The following ZBTB20 variants were observed in gnomAD, a reference collection of about 807,000 sequenced individuals.
ZBTB20 encodes zinc finger and BTB domain containing 20.
Under a neutral mutation model 56.9 loss-of-function variants are expected in ZBTB20, and 9 were observed. The ratio of observed to expected loss-of-function variants is 0.16; its 90% CI spans 0.10 to 0.28. The LOEUF is 0.28. Among genes scored for constraint, ZBTB20 ranks in the 10% least tolerant of loss-of-function variants. The pLI, the probability that ZBTB20 is intolerant of heterozygous loss-of-function variation, is 1.00. For missense variants in ZBTB20, 655 were observed against 1,003.0 expected, an observed-to-expected ratio of 0.65 and a Z score of 4.69; for synonymous variants, 417 against 420.7, an observed-to-expected ratio of 0.99 and a Z score of 0.11.
intron 1 of ZBTB20, among the ~76,000 whole-genome samples, chr3:115,072,857 A>G (rs947604984): frequency 1.3e-5 from 2 of 152,198 alleles, no homozygotes; most frequent in East Asian, 1.9e-4. Flanking sequence ...AATGACTCAT[A>G]TGAACTCTGC....
intron 4 of ZBTB20, among the ~76,000 whole-genome samples, chr3:114,852,203 C>G (rs2075034870): frequency 6.6e-6 from 1 of 151,812 alleles, no homozygotes. Flanking sequence ...CCTTATTTGT[C>G]TTATCACTTA....
At chr3:114,364,979 G>C (rs906706514) in intron 10 of ZBTB20, among the ~76,000 whole-genome samples, 7 of 152,238 alleles carry the variant, frequency 4.6e-5, no homozygotes, top group African/African-American at 1.7e-4. Context: ...TGATGTGCCG[G>C]CGCCTGGTGT....
At chr3:114,437,533 C>A (rs1312626235) in intron 7 of ZBTB20, among the ~76,000 whole-genome samples, 1 of 151,994 alleles carries the variant, frequency 6.6e-6, no homozygotes, top group Non-Finnish European at 1.5e-5. Flanking sequence ...CCTCAGCTTC[C>A]AAGTGAGTTA....
At position 114,815,776 on chromosome 3, in the gene ZBTB20, C is replaced by T. The variant is rs529943447; in HGVS notation, c.-416-14602G>A. 3.3e-5 allele frequency among the ~76,000 whole-genome samples: 5 copies of T among 152,128 alleles called. No homozygotes were observed. The East Asian group carries it at 9.7e-4, about 29-fold the overall frequency. On this transcript the variant is annotated intron_variant, in intron 4 of 11. Transcript: ENST00000675478. ...GACCGGCTACTACATAAATATTAAA[C>T]CATTTCTCCGAAATAATATGGAGGT...
At chr3:114,715,147 C>G (rs1399622256) in intron 5 of ZBTB20, among the ~76,000 whole-genome samples, 1 of 152,210 alleles carries the variant, frequency 6.6e-6, no homozygotes, top group Non-Finnish European at 1.5e-5. Flanking sequence ...TTCTGCTACA[C>G]ATTAACTAAT....
intron 2 of ZBTB20, among the ~76,000 whole-genome samples, chr3:115,068,639 T>G (rs549090415): frequency 2.0e-5 from 3 of 152,084 alleles, no homozygotes; most frequent in Non-Finnish European, 4.4e-5. Context: ...CAGGTAAAGA[T>G]AGACTATAAT....
chr3:114,846,056 G>A (rs2074686053), intron 4 of ZBTB20, among the ~76,000 whole-genome samples: 1 of 152,158 alleles, frequency 6.6e-6, no homozygotes, highest in African/African-American at 2.4e-5. Context: ...ATATAGATAG[G>A]TGGTTAGATA....
chr3:115,088,559 C>T (rs1341526557), intron 1 of ZBTB20, among the ~76,000 whole-genome samples: 1 of 151,656 alleles, frequency 6.6e-6, no homozygotes. Context: ...TTGTGACTGC[C>T]CTTACTGCAT....
At chr3:114,663,568 T>G (rs987904101) in intron 6 of ZBTB20, among the ~76,000 whole-genome samples, 24 of 151,150 alleles carry the variant, frequency 1.6e-4, no homozygotes, top group African/African-American at 4.6e-4. Flanking sequence ...TGGACTAAAT[T>G]CTCCAATTAA....
chr3:114,601,610 C>A (rs1037428180), intron 6 of ZBTB20, among the ~76,000 whole-genome samples: 1 of 151,732 alleles, frequency 6.6e-6, no homozygotes, highest in Admixed American at 6.6e-5. Context: ...AATATATAGA[C>A]AGATAATAGA....
intron 2 of ZBTB20, among the ~76,000 whole-genome samples, chr3:115,046,863 T>C (rs1202890400): frequency 1.3e-5 from 2 of 151,968 alleles, no homozygotes; most frequent in African/African-American, 4.8e-5. Flanking sequence ...TATTATAGAG[T>C]ATGGGTTTTT....
At chr3:114,839,915 A>T (rs1455605179) in intron 4 of ZBTB20, among the ~76,000 whole-genome samples, 1 of 152,192 alleles carries the variant, frequency 6.6e-6, no homozygotes, top group Non-Finnish European at 1.5e-5. Context: ...CCCTGCCAAC[A>T]CCTTGATTTC....
At chr3:114,538,138 TA>T (rs906524658) in intron 6 of ZBTB20, among the ~76,000 whole-genome samples, 26 of 151,614 alleles carry the variant, frequency 1.7e-4, no homozygotes, top group Non-Finnish European at 2.7e-4. Context: ...ATAATAATAA[TA>T]AAAAAAAGAT....
At position 114,929,756 on chromosome 3, in the gene ZBTB20, T is replaced by C. The variant is rs76643274; in HGVS notation, c.-455-29414A>G. Among the ~76,000 whole-genome samples, 211 of 152,352 alleles carry C rather than the reference T, an allele frequency of 1.4e-3. 1 individual carries two copies. Among genetic ancestry groups the C allele is most frequent in the African/African-American group, 4.9e-3 (205 of 41,580 alleles). ...TGAAATGTTTGGAATTGGGTGTCAC[T>C]GGTCTTCATTTTGTTTTGAAAAGGC... On this transcript the variant is annotated intron_variant, in intron 3 of 11. Transcript: ENST00000675478.
chr3:114,863,385 T>C (rs574762575), intron 4 of ZBTB20, among the ~76,000 whole-genome samples: 1 of 152,238 alleles, frequency 6.6e-6, no homozygotes, highest in Admixed American at 6.5e-5. Flanking sequence ...TTCTTCAAAT[T>C]GGAACCTAGT....
intron 2 of ZBTB20, among the ~76,000 whole-genome samples, chr3:114,980,398 T>C (rs2078278763): frequency 6.6e-6 from 1 of 150,630 alleles, no homozygotes; most frequent in South Asian, 2.1e-4. Flanking sequence ...TAAGGGTCCA[T>C]AAAACAATTA....
rs917644233 is a variant in ZBTB20 at position 114,335,261 on chromosome 3, T to C, written c.*3744A>G. 6.6e-6 allele frequency: 1 copy of C among 152,234 alleles called. No homozygotes were observed. The highest frequency in any genetic ancestry group is 1.5e-5 in the Non-Finnish European group (1 of 68,042). 9.4% of individuals were successfully genotyped at this position (152,234 alleles called of 1,614,324 possible). A position where few individuals can be genotyped will look rare whatever the true frequency, so the allele number is the denominator to read the frequency against. On this transcript the variant is annotated 3_prime_UTR_variant, in exon 12 of 12. Transcript: ENST00000675478. Reference sequence around the variant, plus strand: ...GTCTTAAATCTGGAACATTTGCTTTTATCTTATCTATCTGTTTCCTGGCTA... The same window carrying C: ...GTCTTAAATCTGGAACATTTGCTTTCATCTTATCTATCTGTTTCCTGGCTA...
At chr3:114,984,840 C>T (rs1300462796) in intron 2 of ZBTB20, among the ~76,000 whole-genome samples, 4 of 151,988 alleles carry the variant, frequency 2.6e-5, no homozygotes, top group Non-Finnish European at 5.9e-5. Context: ...TACACTCACA[C>T]ATCCCTACAC....
At chr3:115,129,870 A>G (rs1277661478) in intron 1 of ZBTB20, among the ~76,000 whole-genome samples, 1 of 152,184 alleles carries the variant, frequency 6.6e-6, no homozygotes, top group South Asian at 2.1e-4. Flanking sequence ...AAATGTACTC[A>G]CACCTTCCAT....
Sources: gnomAD v4.1 joint callset for allele counts (sites outside exome capture counted in the v4.1 genomes callset) on GRCh38, gnomAD v4.1.1 for gene constraint, MANE v1.5 for transcripts, NCBI Gene and HGNC (gene_info 2026-07-23, HGNC 2026-07-21) for gene names.